CACNA1A: variants seen among roughly 807,000 people sequenced by gnomAD.
CACNA1A encodes the protein calcium voltage-gated channel subunit alpha1 A, also known as voltage-dependent P/Q-type calcium channel subunit alpha-1A.
CACNA1A carries 57 observed loss-of-function variants against 262.4 expected under a neutral mutation model. The observed-to-expected ratio is 0.22, with a 90% CI of 0.18 to 0.27. The LOEUF is 0.27. Among genes scored for constraint, CACNA1A ranks in the 10% least tolerant of loss-of-function variants. The pLI is 1.00. For synonymous variants in CACNA1A, 1,431 were observed against 1,419.3 expected (o/e 1.01, Z -0.18); for missense variants, 2,526 against 3,562.8 (o/e 0.71, Z 7.41).
chr19:13,208,605 G>C (rs1338490190), intron 46 of CACNA1A, 151 bp downstream of exon 46: 2 of 1,012,366 alleles, frequency 2.0e-6, no homozygotes, highest in Non-Finnish European at 2.8e-6. Context: ...CCGGCCGCCG[G>C]GCACCCCGGT....
chr19:13,334,561 T>TTGTGTGTGTGTG (rs1196739807), intron 7 of CACNA1A, 68 bp from the exon 8 acceptor site: 33 of 312,720 alleles, frequency 1.1e-4, no homozygotes, highest in African/African-American at 8.3e-4. Flanking sequence ...GTGTGTGTGT[T>TTGTGTGTGTGTG]TGTGTGTGTG....
intron 22 of CACNA1A, chr19:13,277,426 C>T: frequency 3.7e-6 from 1 of 272,544 alleles, no homozygotes; most frequent in Non-Finnish European, 7.2e-6. Flanking sequence ...AAATTTGCCC[C>T]AAGCCCTGTA....
At chr19:13,439,403 TTTC>T (rs1341464877) in intron 3 of CACNA1A, among the ~76,000 whole-genome samples, 2 of 139,748 alleles carry the variant, frequency 1.4e-5, no homozygotes, top group African/African-American at 5.8e-5. Context: ...GTTCTTCTTT[TTTC>T]TTTTTTTTTT....
Position 13,216,647 on chromosome 19 carries a change from TTATCTATCTATCTATCTATCTATC to T in CACNA1A, c.5732-2063_5732-2040del, listed in dbSNP as rs71168686. On this transcript the variant is annotated intron_variant, in intron 38 of 46. Coordinates refer to ENST00000360228, the MANE Select transcript of CACNA1A (RefSeq NM_001127222.2). ...CTGGCCTATTATTTTTTTTAAAAAT[TTATCTATCTATCTATCTATCTATC>T]TATCTATCTATCTATCTATCTATCT... Among the ~76,000 whole-genome samples the T allele has an allele frequency of 3.4e-3, 508 of 149,350 alleles. 6 individuals carry two copies. The highest frequency in any genetic ancestry group is 0.011 in the South Asian group (50 of 4,678).
intron 10 of CACNA1A, among the ~76,000 whole-genome samples, chr19:13,321,984 G>A (rs776125224): frequency 1.6e-4 from 25 of 151,996 alleles, no homozygotes; most frequent in Non-Finnish European, 2.9e-4. Flanking sequence ...TGGGCAGATC[G>A]TAAGGTCAGG....
At chr19:13,476,069 T>C (rs1433040552) in intron 1 of CACNA1A, among the ~76,000 whole-genome samples, 3 of 152,180 alleles carry the variant, frequency 2.0e-5, no homozygotes, top group Non-Finnish European at 2.9e-5. Context: ...AGACTGAAGG[T>C]CCAACAAATG....
At chr19:13,227,276 G>T in intron 37 of CACNA1A, 155 bp downstream of exon 37, 1 of 427,574 alleles carries the variant, frequency 2.3e-6, no homozygotes. Context: ...CAGTTGACTC[G>T]AGAAAAGAAA....
intron 19 of CACNA1A, among the ~76,000 whole-genome samples, chr19:13,294,481 A>C (rs2057617871): frequency 2.6e-5 from 3 of 117,404 alleles, no homozygotes; most frequent in South Asian, 3.1e-4. Context: ...ATACCACTGT[A>C]CCTGGCTTTT....
intron 5 of CACNA1A, chr19:13,364,361 C>G (rs1291587750): frequency 6.6e-6 from 1 of 152,240 alleles, no homozygotes; most frequent in Non-Finnish European, 1.5e-5. Flanking sequence ...TCTTCTCTGT[C>G]TCTCACCTTC....
chr19:13,491,681 TG>T (rs1980900737), intron 1 of CACNA1A, among the ~76,000 whole-genome samples: 1 of 152,110 alleles, frequency 6.6e-6, no homozygotes, highest in African/African-American at 2.4e-5. Flanking sequence ...ATAAAGGGGC[TG>T]TCTAAGGGCC....
chr19:13,334,961 G>A (rs1446446418), intron 7 of CACNA1A, among the ~76,000 whole-genome samples: 3 of 151,470 alleles, frequency 2.0e-5, no homozygotes, highest in Admixed American at 2.0e-4. Context: ...TTGTGCCTAG[G>A]AGTTCTAGGT....
intron 3 of CACNA1A, among the ~76,000 whole-genome samples, chr19:13,447,356 C>G (rs76159494): frequency 0.023 from 3,492 of 152,218 alleles, 130 homozygotes; most frequent in African/African-American, 0.078. Flanking sequence ...TGACAGGAAA[C>G]TAGAAGAAAG....
At chr19:13,390,772 C>G (rs1378362354) in intron 3 of CACNA1A, among the ~76,000 whole-genome samples, 1 of 152,082 alleles carries the variant, frequency 6.6e-6, no homozygotes, top group Non-Finnish European at 1.5e-5. Context: ...ATACTATTTT[C>G]TCCATTTTAT....
At chr19:13,365,285 C>A (rs2059188366) in intron 5 of CACNA1A, 32 bp downstream of exon 5, 1 of 1,583,344 alleles carries the variant, frequency 6.3e-7, no homozygotes, top group Non-Finnish European at 8.6e-7. Flanking sequence ...AAGGAGAAAA[C>A]TGGAAAGATG....
chr19:13,279,846 T>C (rs1048418378), intron 22 of CACNA1A, among the ~76,000 whole-genome samples: 1 of 152,124 alleles, frequency 6.6e-6, no homozygotes, highest in African/African-American at 2.4e-5. Context: ...TCTCGCTCTG[T>C]CGCCAAGGCT....
intron 6 of CACNA1A, among the ~76,000 whole-genome samples, chr19:13,355,281 A>G (rs1689745195): frequency 6.6e-6 from 1 of 152,220 alleles, no homozygotes; most frequent in Non-Finnish European, 1.5e-5. Flanking sequence ...AGGAAGAAGC[A>G]AAGAAGGATC....
intron 3 of CACNA1A, among the ~76,000 whole-genome samples, chr19:13,406,683 G>A (rs1049897142): frequency 6.7e-6 from 1 of 149,998 alleles, no homozygotes; most frequent in Non-Finnish European, 1.5e-5. Context: ...GGGCAGAGAG[G>A]GTGGGTGGGC....
At chr19:13,266,604 C>T (rs1414186434) in intron 24 of CACNA1A, among the ~76,000 whole-genome samples, 2 of 148,468 alleles carry the variant, frequency 1.3e-5, no homozygotes, top group Non-Finnish European at 3.0e-5. Context: ...GACAGAGTCT[C>T]ACTCTGTCAC....
At chr19:13,364,756 C>T (rs2144519897) in intron 5 of CACNA1A, 1 of 152,506 alleles carries the variant, frequency 6.6e-6, no homozygotes, top group Middle Eastern at 3.4e-3. Flanking sequence ...TCTCCTGCCT[C>T]AGCCTCCTGA....
Sources: gnomAD v4.1 joint callset for allele counts (sites outside exome capture counted in the v4.1 genomes callset) on GRCh38, gnomAD v4.1.1 for gene constraint, MANE v1.5 for transcripts, NCBI Gene and HGNC (gene_info 2026-07-23, HGNC 2026-07-21) for gene names.